The following GRIN2A variants were observed in gnomAD, a reference collection of about 807,000 sequenced individuals.
The protein encoded by GRIN2A is glutamate ionotropic receptor NMDA type subunit 2A, also known as glutamate receptor ionotropic, NMDA 2A.
Under a neutral mutation model 113.4 loss-of-function variants are expected in GRIN2A, and 22 were observed. The observed-to-expected ratio is 0.19, with a 90% confidence interval of 0.14 to 0.28. The LOEUF is 0.28. GRIN2A is among the 10% of genes least tolerant of loss of function. The pLI, the probability that GRIN2A is intolerant of heterozygous loss-of-function variation, is 1.00. For missense variants in GRIN2A, 1,502 were observed against 1,887.0 expected (o/e 0.80, Z 3.78); for synonymous variants, 827 against 738.4 (o/e 1.12, Z -1.94).
At chr16:9,985,695 C>A (rs764751973) in intron 2 of GRIN2A, among the ~76,000 whole-genome samples, 1 of 151,574 alleles carries the variant, frequency 6.6e-6, no homozygotes, top group Non-Finnish European at 1.5e-5. Context: ...TTACCAGAGG[C>A]TAGGAAGGGT....
chr16:9,989,785 G>C (rs1348327863), intron 2 of GRIN2A, among the ~76,000 whole-genome samples: 1 of 152,098 alleles, frequency 6.6e-6, no homozygotes, highest in Non-Finnish European at 1.5e-5. Flanking sequence ...ATGAAAAAAT[G>C]CTCAGCATCA....
chr16:9,870,026 G>C (rs182744670), intron 4 of GRIN2A, among the ~76,000 whole-genome samples: 28 of 152,162 alleles, frequency 1.8e-4, no homozygotes, highest in Admixed American at 4.6e-4. Flanking sequence ...AATGTATTTG[G>C]ATTTTTTTTC....
rs1376094675 is a variant in GRIN2A, at chr16:9,890,837, C to T, written c.1122+149G>A. 1.2e-5 allele frequency: 8 copies of T among 662,508 alleles called. No individual in the cohort carries two copies. In the Admixed American group the frequency reaches 1.5e-4, roughly 13 times the overall value. The allele number at this position is 662,508 out of a possible 1,614,324, so 41.0% of individuals were successfully genotyped here. A position where few individuals can be genotyped will look rare whatever the true frequency, so the allele number is the denominator to read the frequency against. ...AATTGCACCTTACAGATTTAGTCTGCCTTGTTGCAAGAAAGACGTGCTCTT... is the reference window on the plus strand; with the variant it reads ...AATTGCACCTTACAGATTTAGTCTGTCTTGTTGCAAGAAAGACGTGCTCTT... On this transcript the variant is annotated intron_variant, in intron 4 of 12. Transcript: ENST00000330684.
At chr16:9,972,163 A>C (rs1190896842) in intron 2 of GRIN2A, among the ~76,000 whole-genome samples, 2 of 152,210 alleles carry the variant, frequency 1.3e-5, no homozygotes, top group African/African-American at 2.4e-5. Context: ...GACAAGGCTC[A>C]AAGTAGTTTG....
chr16:10,113,789 T>A (rs1004672948), intron 2 of GRIN2A, among the ~76,000 whole-genome samples: 5 of 152,358 alleles, frequency 3.3e-5, no homozygotes, highest in East Asian at 1.9e-4. Context: ...AATGCCATTA[T>A]TGTTTAATAT....
intron 2 of GRIN2A, among the ~76,000 whole-genome samples, chr16:10,023,042 T>G (rs147021510): frequency 6.6e-6 from 1 of 152,188 alleles, no homozygotes; most frequent in East Asian, 1.9e-4. Context: ...TTAACTTTCT[T>G]GCTTAAACAA....
intron 2 of GRIN2A, among the ~76,000 whole-genome samples, chr16:10,131,189 TGATCGATAAA>T (rs1309777682): frequency 6.6e-6 from 1 of 152,062 alleles, no homozygotes; most frequent in Non-Finnish European, 1.5e-5. Flanking sequence ...ATGCTGTGGG[TGATCGATAAA>T]TATTAAACAC....
rs1343679242 is a variant in GRIN2A, at chr16:9,754,335, A to T, written c.*8814T>A. 2 of 206,490 alleles carry T rather than the reference A, an allele frequency of 9.7e-6. No individual in the cohort carries two copies. The highest frequency in any genetic ancestry group is 2.0e-5 in the Non-Finnish European group (2 of 101,140). The allele number at this position is 206,490 out of a possible 1,614,324, so 12.8% of individuals were successfully genotyped here. ...AATCTTTGGGGACCCTCAGGTTTGG[A>T]AGGCATCTGAGCCACATCTAACTAT... On this transcript the variant is annotated 3_prime_UTR_variant, in exon 13 of 13. Transcript: ENST00000330684.
intron 3 of GRIN2A, among the ~76,000 whole-genome samples, chr16:9,937,193 T>C (rs1477233283): frequency 6.6e-6 from 1 of 151,888 alleles, no homozygotes; most frequent in Non-Finnish European, 1.5e-5. Flanking sequence ...ACTTCACTTA[T>C]CCCATAAATA....
intron 2 of GRIN2A, among the ~76,000 whole-genome samples, chr16:10,040,253 T>C (rs1222075281): frequency 2.3e-5 from 3 of 129,818 alleles, no homozygotes; most frequent in African/African-American, 8.7e-5. Flanking sequence ...CACACACACA[T>C]CCACACCACA....
intron 2 of GRIN2A, among the ~76,000 whole-genome samples, chr16:10,069,620 T>C (rs72774110): frequency 0.096 from 14,635 of 152,308 alleles, 782 homozygotes; most frequent in African/African-American, 0.11. Context: ...ACAGATATAG[T>C]AGCAGGTTTG....
intron 11 of GRIN2A, among the ~76,000 whole-genome samples, chr16:9,795,673 T>C (rs894930440): frequency 4.6e-5 from 7 of 152,210 alleles, no homozygotes; most frequent in Admixed American, 1.3e-4. Flanking sequence ...AGCTAAGCTA[T>C]GCACTTTACA....
intron 2 of GRIN2A, among the ~76,000 whole-genome samples, chr16:10,129,011 C>A (rs2049006413): frequency 6.6e-6 from 1 of 152,178 alleles, no homozygotes; most frequent in African/African-American, 2.4e-5. Context: ...AATCTTTATT[C>A]ATTTAACAGA....
Position 9,942,048 on chromosome 16 carries a change from C to G in GRIN2A, c.415-3497G>C, listed in dbSNP as rs537950326. On this transcript the variant is annotated intron_variant, in intron 2 of 12. Coordinates refer to ENST00000330684, the MANE Select transcript of GRIN2A (RefSeq NM_001134407.3). ...AAATGATTCTCTTGTATCAAAACAC[C>G]CAGTGTAGTGCCCATCAAGTATGAA... Among the ~76,000 whole-genome samples the G allele has an allele frequency of 1.2e-4, 19 of 152,192 alleles. No individual in the cohort carries two copies. In the South Asian group the frequency reaches 3.9e-3, roughly 32 times the overall value.
chr16:10,071,005 C>T lies in GRIN2A; in HGVS notation c.414+108993G>A, dbSNP rs576407656. On this transcript the variant is annotated intron_variant, in intron 2 of 12. Coordinates refer to ENST00000330684, the MANE Select transcript of GRIN2A (RefSeq NM_001134407.3). Reference sequence around the variant, plus strand: ...TGGTCACCTGAGAGCATGGAAAGTCCATGCCCTCACCAGAGTAATGACTAC... The same window carrying T: ...TGGTCACCTGAGAGCATGGAAAGTCTATGCCCTCACCAGAGTAATGACTAC... 3.3e-5 allele frequency among the ~76,000 whole-genome samples: 5 copies of T among 152,254 alleles called. No homozygotes were observed. The South Asian group carries it at 8.3e-4, about 25-fold the overall frequency.
chr16:9,834,327 A>G, intron 7 of GRIN2A, 97 bp from the exon 8 acceptor site: 6 of 1,115,298 alleles, frequency 5.4e-6, no homozygotes, highest in Non-Finnish European at 6.9e-6. Flanking sequence ...CTCGCCAAAA[A>G]TATTTTCTCT....
intron 2 of GRIN2A, among the ~76,000 whole-genome samples, chr16:9,948,746 G>A (rs531715386): frequency 6.6e-6 from 1 of 152,338 alleles, no homozygotes; most frequent in East Asian, 1.9e-4. Flanking sequence ...ACTCCTGGGA[G>A]AGAACTGAAG....
intron 2 of GRIN2A, among the ~76,000 whole-genome samples, chr16:10,098,308 C>A (rs1420096065): frequency 6.6e-6 from 1 of 152,034 alleles, no homozygotes; most frequent in Non-Finnish European, 1.5e-5. Flanking sequence ...AAAAAATAGA[C>A]ATTGGCATGG....
At chr16:9,944,917 C>T (rs2044981845) in intron 2 of GRIN2A, among the ~76,000 whole-genome samples, 1 of 152,178 alleles carries the variant, frequency 6.6e-6, no homozygotes, top group Non-Finnish European at 1.5e-5. Context: ...CTGTACCAGG[C>T]ATTGTTCCAG....
Sources: gnomAD v4.1 joint callset for allele counts (sites outside exome capture counted in the v4.1 genomes callset) on GRCh38, gnomAD v4.1.1 for gene constraint, MANE v1.5 for transcripts, NCBI Gene and HGNC (gene_info 2026-07-23, HGNC 2026-07-21) for gene names.